Variants in ELMO1 observed in about 807,000 individuals in gnomAD.
ELMO1 encodes the protein engulfment and cell motility protein 1.
In ELMO1, 26 loss-of-function variants were observed where a neutral mutation model predicts 98.9. That is an observed-to-expected ratio of 0.26 (90% confidence interval 0.19 to 0.36). The LOEUF is 0.36. Among genes scored for constraint, ELMO1 ranks in the 10% least tolerant of loss-of-function variants. The pLI is 1.00. For synonymous variants in ELMO1, 346 were observed against 346.0 expected, an observed-to-expected ratio of 1.00 and a Z score of 0.00; for missense variants, 627 against 935.2, an observed-to-expected ratio of 0.67 and a Z score of 4.30.
At chr7:37,099,531 G>A (rs1784529360) in intron 14 of ELMO1, among the ~76,000 whole-genome samples, 1 of 151,984 alleles carries the variant, frequency 6.6e-6, no homozygotes, top group Non-Finnish European at 1.5e-5. Flanking sequence ...TGCTAGAACA[G>A]AAATCAAAAT....
chr7:37,060,238 G>A (rs1796597390), intron 15 of ELMO1, among the ~76,000 whole-genome samples: 1 of 152,280 alleles, frequency 6.6e-6, no homozygotes, highest in South Asian at 2.1e-4. Context: ...CTTTTAATGA[G>A]GCACAGTTCT....
chr7:37,346,172 T>C (rs1020726289), intron 1 of ELMO1, among the ~76,000 whole-genome samples: 1 of 152,118 alleles, frequency 6.6e-6, no homozygotes, highest in Non-Finnish European at 1.5e-5. Flanking sequence ...TAAGTGAATG[T>C]GTTCAGAGAA....
intron 19 of ELMO1, among the ~76,000 whole-genome samples, chr7:36,874,427 G>T (rs1394072466): frequency 2.6e-5 from 4 of 152,140 alleles, no homozygotes. Flanking sequence ...TACCTCTTTA[G>T]GTTGTTGAGA....
intron 4 of ELMO1, among the ~76,000 whole-genome samples, chr7:37,278,546 C>T (rs1161400694): frequency 1.3e-5 from 2 of 151,952 alleles, no homozygotes; most frequent in Admixed American, 6.6e-5. Flanking sequence ...AAAACAGAGC[C>T]GAGGGTACCT....
intron 16 of ELMO1, among the ~76,000 whole-genome samples, chr7:37,008,946 T>C (rs1043422487): frequency 2.0e-5 from 3 of 152,174 alleles, no homozygotes; most frequent in African/African-American, 7.2e-5. Context: ...TGTGGTGCGG[T>C]TGGCCGGTGG....
At chr7:37,172,771 C>A (rs886970448) in intron 13 of ELMO1, among the ~76,000 whole-genome samples, 1 of 152,178 alleles carries the variant, frequency 6.6e-6, no homozygotes, top group African/African-American at 2.4e-5. Context: ...AAATTGCTAT[C>A]TTCCTTACAA....
intron 15 of ELMO1, among the ~76,000 whole-genome samples, chr7:37,034,158 C>T (rs1358992021): frequency 1.3e-5 from 2 of 152,144 alleles, no homozygotes; most frequent in African/African-American, 2.4e-5. Context: ...AACCCCAGTA[C>T]CTCAGAATGT....
At chr7:37,325,943 T>C (rs1799776493) in intron 2 of ELMO1, among the ~76,000 whole-genome samples, 1 of 152,114 alleles carries the variant, frequency 6.6e-6, no homozygotes, top group African/African-American at 2.4e-5. Context: ...TTTATAACAG[T>C]TCTACTCTTC....
intron 15 of ELMO1, among the ~76,000 whole-genome samples, chr7:37,033,049 T>A (rs1029162937): frequency 2.0e-5 from 3 of 152,220 alleles, no homozygotes; most frequent in African/African-American, 7.2e-5. Context: ...TTTCTGAATG[T>A]GTTTTTCCTT....
chr7:37,334,647 A>G (rs575460859), intron 2 of ELMO1, among the ~76,000 whole-genome samples: 1 of 152,214 alleles, frequency 6.6e-6, no homozygotes, highest in Non-Finnish European at 1.5e-5. Flanking sequence ...TGCCTGCCAC[A>G]TAGTGTGTGG....
chr7:37,143,233 C>G (rs1022229570), intron 13 of ELMO1, among the ~76,000 whole-genome samples: 1 of 152,014 alleles, frequency 6.6e-6, no homozygotes, highest in African/African-American at 2.4e-5. Context: ...GGTAGCTTGC[C>G]CAAAGTTTCA....
intron 14 of ELMO1, among the ~76,000 whole-genome samples, chr7:37,125,771 A>G (rs1225589042): frequency 6.6e-6 from 1 of 152,176 alleles, no homozygotes; most frequent in Non-Finnish European, 1.5e-5. Flanking sequence ...TAGAAATACC[A>G]TTTGACCCAG....
At chr7:37,378,612 T>C (rs1802460082) in intron 1 of ELMO1, among the ~76,000 whole-genome samples, 1 of 152,106 alleles carries the variant, frequency 6.6e-6, no homozygotes, top group African/African-American at 2.4e-5. Flanking sequence ...AAAACTAATA[T>C]TTACAGATGG....
chr7:36,905,006 G>C (rs1783852813), intron 16 of ELMO1, among the ~76,000 whole-genome samples: 1 of 152,226 alleles, frequency 6.6e-6, no homozygotes, highest in African/African-American at 2.4e-5. Context: ...CAAAGCCCAA[G>C]CAAATCACAT....
chr7:37,350,466 C>T (rs1178355545), intron 1 of ELMO1, among the ~76,000 whole-genome samples: 3 of 152,166 alleles, frequency 2.0e-5, no homozygotes, highest in African/African-American at 7.2e-5. Context: ...GGCAGACAGG[C>T]GCCTAGAGCA....
At chr7:36,914,006 C>T (rs988100295) in intron 16 of ELMO1, among the ~76,000 whole-genome samples, 3 of 152,214 alleles carry the variant, frequency 2.0e-5, no homozygotes, top group African/African-American at 7.2e-5. Context: ...CATGCACATG[C>T]ACGTTTTTCT....
chr7:37,157,637 T>C (rs1012288340), intron 13 of ELMO1, among the ~76,000 whole-genome samples: 10 of 152,104 alleles, frequency 6.6e-5, no homozygotes, highest in South Asian at 2.1e-4. Flanking sequence ...AACTACAAAC[T>C]ACTGCTCAAC....
In ELMO1 at chr7:37,233,214, A is replaced by G; in HGVS notation, c.450-20T>C. 1 of 1,604,678 alleles carries G rather than the reference A, an allele frequency of 6.2e-7. No individual in the cohort carries two copies. Among genetic ancestry groups the G allele is most frequent in the Non-Finnish European group, 8.5e-7 (1 of 1,175,898 alleles). The stretch of plus-strand genomic sequence containing the variant: ...CCAAAGCTGAAAAAGACAGAGAGGC[A>G]CAAGAGTCAAGAGCCCCAAAGCTGA... On this transcript the variant is annotated intron_variant, in intron 7 of 21. Transcript: ENST00000310758.
intron 2 of ELMO1, among the ~76,000 whole-genome samples, chr7:37,317,988 T>C (rs570524207): frequency 1.4e-4 from 22 of 152,182 alleles, no homozygotes; most frequent in Admixed American, 3.9e-4. Flanking sequence ...AATAAATGAA[T>C]GCGGTTGGAG....
Sources: allele counts gnomAD v4.1 joint callset (sites outside exome capture counted in the v4.1 genomes callset), GRCh38; gene constraint gnomAD v4.1.1; transcripts MANE v1.5; gene names NCBI Gene and HGNC (gene_info 2026-07-23, HGNC 2026-07-21).